The following MGAM variants were observed in gnomAD, a reference collection of about 807,000 sequenced individuals.
The protein encoded by MGAM is alpha-1,4-glucosidase.
In MGAM, 253 loss-of-function variants were observed where a neutral mutation model predicts 358.8. The observed-to-expected ratio is 0.71, with a 90% confidence interval of 0.64 to 0.78. The LOEUF (loss-of-function observed/expected upper bound fraction) is 0.78. Among genes scored for constraint, MGAM ranks in the 30% least tolerant of loss-of-function variants. The pLI, the probability that MGAM is intolerant of heterozygous loss-of-function variation, is 0.00. For missense variants in MGAM, 3,080 were observed against 3,432.6 expected (o/e 0.90, Z 2.57); for synonymous variants, 1,105 against 1,227.1 (o/e 0.90, Z 2.08).
rs1452906127 is a variant in MGAM at position 142,040,143 on chromosome 7, C to A, written c.2345C>A (p.Pro782His). 1 of 1,612,568 alleles carries A rather than the reference C, an allele frequency of 6.2e-7. No individual in the cohort carries two copies. Among genetic ancestry groups the A allele is most frequent in the Non-Finnish European group, 8.5e-7 (1 of 1,179,134 alleles). ...EGAEKVMAYVPDAVWYDYETG... is the reference protein window; with the variant it reads ...EGAEKVMAYVHDAVWYDYETG... Reference sequence around the variant, plus strand: ...GCAGAGAAAGTGATGGCATATGTGCCTGATGCTGTCTGGTATGACTACGAG... The same window carrying A: ...GCAGAGAAAGTGATGGCATATGTGCATGATGCTGTCTGGTATGACTACGAG... Residue 782 changes from proline (P) to histidine (H), a missense_variant, in exon 20 of 71, where the codon CCT becomes CAT. This residue lies in a region of MGAM where 1,816 missense variants were observed against 1,840.5 expected (regional missense o/e 0.99). Transcript: ENST00000475668.
At chr7:142,095,838 A>C in intron 64 of MGAM, 125 bp downstream of exon 64, 1 of 1,408,584 alleles carries the variant, frequency 7.1e-7, no homozygotes, top group Non-Finnish European at 9.7e-7. Context: ...GGTGCAGACC[A>C]TACTTTATTA....
In MGAM at chr7:142,053,085, A is replaced by G; in HGVS notation, c.3159+101A>G. 4.0e-6 allele frequency: 5 copies of G among 1,255,688 alleles called. 1 individual carries two copies. In the South Asian group the frequency reaches 5.4e-5, roughly 14 times the overall value. 77.8% of individuals were successfully genotyped at this position (1,255,688 alleles called of 1,614,324 possible). A position where few individuals can be genotyped will look rare whatever the true frequency, so the allele number is the denominator to read the frequency against. On this transcript the variant is annotated intron_variant, in intron 26 of 70. Coordinates refer to ENST00000475668, the MANE Select transcript of MGAM (RefSeq NM_001365693.1). ...AACCCTAAAATAAGTTAATCATGCT[A>G]CAACAGACTATATCATTATCCAGAG...
Position 142,076,825 on chromosome 7 carries a change from A to G in MGAM, c.5492A>G (p.Lys1831Arg), listed in dbSNP as rs763776897. The G allele has an allele frequency of 1.3e-6, 2 of 1,552,668 alleles. No individual in the cohort carries two copies. Among genetic ancestry groups the G allele is most frequent in the Non-Finnish European group, 1.8e-6 (2 of 1,129,626 alleles). The change falls in exon 47 of 71, where the codon AAG (lysine) becomes AGG (arginine). Residue 1831 changes from lysine to arginine, a missense_variant and splice_region_variant. Transcript: ENST00000475668. ...ACAGTCACTTATGATTCTAACCTGAAGGTAAAAACCCATTTTGTTGAGATG... is the reference window on the plus strand; with the variant it reads ...ACAGTCACTTATGATTCTAACCTGAGGGTAAAAACCCATTTTGTTGAGATG... ...SPTVTYDSNL[K>R]VAIITDINLF...
chr7:142,016,951 A>T (rs531076650), intron 3 of MGAM, among the ~76,000 whole-genome samples: 2 of 152,112 alleles, frequency 1.3e-5, no homozygotes, highest in Non-Finnish European at 2.9e-5. Flanking sequence ...TTAGTTTAGG[A>T]TGTGTAAACT....
At chr7:142,027,091 T>C in intron 8 of MGAM, 24 bp from the exon 9 acceptor site, 3 of 1,541,716 alleles carry the variant, frequency 1.9e-6, no homozygotes, top group Non-Finnish European at 2.7e-6. Context: ...TGATTTTTAT[T>C]TTCTTCATTT....
chr7:142,019,108 A>C, intron 3 of MGAM, 91 bp from the exon 4 acceptor site: 46 of 1,374,552 alleles, frequency 3.3e-5, no homozygotes, highest in Non-Finnish European at 4.5e-5. Flanking sequence ...GAAATTATTC[A>C]TACCAGAGTC....
At chr7:142,036,123 G>C (rs782407621) in intron 16 of MGAM, 46 bp from the exon 17 acceptor site, 4 of 1,351,074 alleles carry the variant, frequency 3.0e-6, no homozygotes, top group Admixed American at 1.9e-5. Context: ...AAAGGAGGGT[G>C]GTTAGAAGGA....
chr7:142,031,880 G>A, intron 13 of MGAM, 87 bp downstream of exon 13: 1 of 863,952 alleles, frequency 1.2e-6, no homozygotes, highest in Non-Finnish European at 1.9e-6. Context: ...AGAGCATAGG[G>A]AGAGGAGGAG....
chr7:142,005,582 GTTC>G lies in MGAM; in HGVS notation c.57_59del (p.Leu21del), dbSNP rs782414768. On this transcript the variant is annotated inframe_deletion, in exon 2 of 71. Transcript: ENST00000475668. ...TACTACTTTGGAGATTGTGCTCAGTGTTCTTCTGCTTGTGTTGTTTATCATCAG... is the reference window on the plus strand; with the variant it reads ...TACTACTTTGGAGATTGTGCTCAGTGTTCTGCTTGTGTTGTTTATCATCAG... 15 of 1,584,038 alleles carry G rather than the reference GTTC, an allele frequency of 9.5e-6. No homozygotes were observed. The highest frequency in any genetic ancestry group is 1.7e-4 in the Middle Eastern group (1 of 5,960).
At chr7:142,071,829 T>C (rs1813372152) in intron 44 of MGAM, among the ~76,000 whole-genome samples, 1 of 146,398 alleles carries the variant, frequency 6.8e-6, no homozygotes, top group Admixed American at 6.9e-5. Context: ...TTTTGCTTTA[T>C]ACGTAATTGA....
At chr7:142,085,684 C>A in intron 54 of MGAM, 149 bp from the exon 55 acceptor site, 1 of 1,132,376 alleles carries the variant, frequency 8.8e-7, no homozygotes, top group Non-Finnish European at 1.2e-6. Context: ...AATTTCCCAG[C>A]ACCTGTACCT....
chr7:142,104,345 A>T (rs1370428383), intron 70 of MGAM, among the ~76,000 whole-genome samples: 1 of 152,142 alleles, frequency 6.6e-6, no homozygotes, highest in East Asian at 1.9e-4. Context: ...AGCTTAACCA[A>T]CTTGTATCGT....
chr7:142,059,677 T>A, intron 32 of MGAM, 77 bp downstream of exon 32: 2 of 1,592,270 alleles, frequency 1.3e-6, no homozygotes, highest in Admixed American at 1.7e-5. Context: ...TATACTTTAT[T>A]TCCATGTTGC....
At chr7:142,058,699 C>T (rs1160885567) in intron 31 of MGAM, among the ~76,000 whole-genome samples, 1 of 152,206 alleles carries the variant, frequency 6.6e-6, no homozygotes, top group African/African-American at 2.4e-5. Context: ...AAAAGACTAA[C>T]CACAAATCAA....
chr7:142,015,846 G>A lies in MGAM; in HGVS notation c.328-3353G>A, dbSNP rs111549904. Among the ~76,000 whole-genome samples the A allele has an allele frequency of 3.7e-3, 556 of 151,926 alleles. 4 individuals carry two copies. The highest frequency in any genetic ancestry group is 0.013 in the African/African-American group (527 of 41,452). ...CTAAGGAAGTTGCTTTTCATTCCAA[G>A]TTTGCTAAAAATTTTATTATGATAG... On this transcript the variant is annotated intron_variant, in intron 3 of 70. Transcript: ENST00000475668.
chr7:142,058,734 A>G (rs1585029781), intron 31 of MGAM, among the ~76,000 whole-genome samples: 1 of 152,358 alleles, frequency 6.6e-6, no homozygotes, highest in South Asian at 2.1e-4. Context: ...ATGTGAATAC[A>G]ACCTCAGTTC....
chr7:142,061,220 G>A (rs1475207539), intron 34 of MGAM, among the ~76,000 whole-genome samples: 2 of 152,132 alleles, frequency 1.3e-5, no homozygotes, highest in African/African-American at 2.4e-5. Context: ...CGGCTGGCCA[G>A]GTTCCCTACG....
chr7:142,045,755 A>G (rs111204027), intron 21 of MGAM, among the ~76,000 whole-genome samples: 1,309 of 50,142 alleles, frequency 0.026, 287 homozygotes, highest in African/African-American at 0.067. Context: ...AATATATATC[A>G]TATATACATA....
In MGAM at chr7:142,106,249, A is replaced by G. The variant is rs761291950; in HGVS notation, c.*358A>G. 17 of 160,472 alleles carry G rather than the reference A, an allele frequency of 1.1e-4. No homozygotes were observed. Among genetic ancestry groups the G allele is most frequent in the Non-Finnish European group, 2.3e-4 (17 of 72,836 alleles). 9.9% of individuals were successfully genotyped at this position (160,472 alleles called of 1,614,324 possible). A position where few individuals can be genotyped will look rare whatever the true frequency, so the allele number is the denominator to read the frequency against. ...ACCCCATTCTTTTGTTAAATACACA[A>G]GAGAAAGCTTTCTGTGACAGTTCCA... is the stretch of plus-strand genomic sequence containing the variant. On this transcript the variant is annotated 3_prime_UTR_variant, in exon 71 of 71. Transcript: ENST00000475668.
Sources: gnomAD v4.1 joint callset for allele counts (sites outside exome capture counted in the v4.1 genomes callset) on GRCh38, gnomAD v4.1.1 for gene constraint, gnomAD v4.1.1 regional missense constraint, MANE v1.5 for transcripts, NCBI Gene and HGNC (gene_info 2026-07-23, HGNC 2026-07-21) for gene names.